The following SHISA6 variants were observed in gnomAD, a reference collection of about 807,000 sequenced individuals.
SHISA6 encodes the protein shisa family member 6, also known as protein shisa-6.
In SHISA6, 22 loss-of-function variants were observed where a neutral mutation model predicts 47.9. The ratio of observed to expected loss-of-function variants is 0.46; its 90% CI spans 0.33 to 0.66. The LOEUF is 0.66. Ranked by LOEUF, SHISA6 falls within the 30% of genes least tolerant of loss-of-function variation. The pLI is 0.02. For missense variants in SHISA6, 680 were observed against 764.6 expected (o/e 0.89, Z 1.30); for synonymous variants, 388 against 337.8 (o/e 1.15, Z -1.63).
intron 3 of SHISA6, among the ~76,000 whole-genome samples, chr17:11,550,454 G>T (rs1006339985): frequency 1.3e-5 from 2 of 152,158 alleles, no homozygotes; most frequent in African/African-American, 4.8e-5. Flanking sequence ...CACAGGATTT[G>T]TCTTGGAAAT....
At chr17:11,302,465 T>G (rs73976935) in intron 2 of SHISA6, among the ~76,000 whole-genome samples, 1 of 152,312 alleles carries the variant, frequency 6.6e-6, no homozygotes, top group African/African-American at 2.4e-5. Flanking sequence ...TCTCAGCTCA[T>G]TTTTTACGTG....
intron 3 of SHISA6, among the ~76,000 whole-genome samples, chr17:11,424,406 G>A (rs932516028): frequency 1.3e-5 from 2 of 151,968 alleles, no homozygotes; most frequent in African/African-American, 4.8e-5. Context: ...TATCATTCAT[G>A]AGATGACAAA....
intron 2 of SHISA6, among the ~76,000 whole-genome samples, chr17:11,339,854 G>A (rs956059692): frequency 6.6e-6 from 1 of 152,156 alleles, no homozygotes; most frequent in African/African-American, 2.4e-5. Context: ...GGCTTCTGAG[G>A]GTGAAGGAAG....
chr17:11,259,913 C>T (rs757224221), intron 1 of SHISA6, among the ~76,000 whole-genome samples: 28 of 152,088 alleles, frequency 1.8e-4, no homozygotes, highest in Non-Finnish European at 2.8e-4. Context: ...AATCCCTGTT[C>T]CAATATGTGT....
intron 3 of SHISA6, among the ~76,000 whole-genome samples, chr17:11,525,640 A>C (rs370735606): frequency 0.074 from 7,767 of 104,302 alleles, 359 homozygotes; most frequent in Middle Eastern, 0.11. Context: ...TCAAAAAAAA[A>C]AAAAAAAAAA....
At chr17:11,281,842 C>G (rs144151631) in intron 2 of SHISA6, among the ~76,000 whole-genome samples, 7 of 152,184 alleles carry the variant, frequency 4.6e-5, no homozygotes, top group African/African-American at 1.4e-4. Flanking sequence ...CAGGAACAAC[C>G]AAGCATGACT....
At chr17:11,410,913 G>A (rs577538735) in intron 3 of SHISA6, among the ~76,000 whole-genome samples, 140 of 152,230 alleles carry the variant, frequency 9.2e-4, no homozygotes, top group African/African-American at 3.2e-3. Flanking sequence ...CTGTTTCTTA[G>A]TATAGATGGA....
intron 3 of SHISA6, among the ~76,000 whole-genome samples, chr17:11,477,365 A>C (rs1597539215): frequency 6.6e-6 from 1 of 152,050 alleles, no homozygotes; most frequent in South Asian, 2.1e-4. Context: ...TTGTGGTTTT[A>C]ATTGAACATT....
intron 3 of SHISA6, among the ~76,000 whole-genome samples, chr17:11,523,184 CACGT>C (rs1386885346): frequency 1.3e-5 from 2 of 152,178 alleles, no homozygotes; most frequent in Non-Finnish European, 2.9e-5. Flanking sequence ...TATGTAAAGG[CACGT>C]TCTAGGGCTG....
intron 2 of SHISA6, among the ~76,000 whole-genome samples, chr17:11,292,044 CT>C (rs1244421661): frequency 1.3e-5 from 2 of 152,128 alleles, no homozygotes; most frequent in Admixed American, 6.6e-5. Flanking sequence ...TGAAAGTCTA[CT>C]GTCTTAGCAG....
intron 3 of SHISA6, among the ~76,000 whole-genome samples, chr17:11,507,814 T>C (rs1233934833): frequency 6.6e-6 from 1 of 152,234 alleles, no homozygotes; most frequent in Non-Finnish European, 1.5e-5. Flanking sequence ...TTCTAATCTT[T>C]AGCACTCCCT....
At position 11,407,105 on chromosome 17, in the gene SHISA6, A is replaced by G. The variant is rs563057310; in HGVS notation, c.895+27596A>G. ...ATAAATAATAATAGCTAGCACTTAT[A>G]GAGCGTTTTCTATGTGCCAGGCACT... On this transcript the variant is annotated intron_variant, in intron 3 of 5. Coordinates refer to ENST00000441885, the MANE Select transcript of SHISA6 (RefSeq NM_207386.4). Among the ~76,000 whole-genome samples, 310 of 152,312 alleles carry G rather than the reference A, an allele frequency of 2.0e-3. 3 individuals carry two copies. Among genetic ancestry groups the G allele is most frequent in the East Asian group, 1.2e-3 (6 of 5,186 alleles).
At position 11,241,256 on chromosome 17, in the gene SHISA6, G is replaced by GCGC. The variant is rs1172978824; in HGVS notation, c.-156_-154dup. 1 of 209,390 alleles carries GCGC rather than the reference G, an allele frequency of 4.8e-6. No homozygotes were observed. The allele number at this position is 209,390 out of a possible 1,614,324, so 13.0% of individuals were successfully genotyped here. ...CGCCGGGCCGGTCCGTGCGCACCGC[G>GCGC]CGCCGCCGCCGCCACTGCCGCCCGC... is the stretch of plus-strand genomic sequence containing the variant. On this transcript the variant is annotated 5_prime_UTR_variant, in exon 1 of 6. Coordinates refer to ENST00000441885, the MANE Select transcript of SHISA6 (RefSeq NM_207386.4). This position sits in a 1 kb window ranked among gnomAD's most constrained non-coding sequence, Gnocchi z 5.5.
chr17:11,249,822 G>T (rs375151658), intron 1 of SHISA6, among the ~76,000 whole-genome samples: 2 of 152,316 alleles, frequency 1.3e-5, no homozygotes, highest in East Asian at 3.9e-4. Context: ...AATCAAGAGT[G>T]CCTCCAGTAA....
At chr17:11,514,761 C>T (rs1248825944) in intron 3 of SHISA6, among the ~76,000 whole-genome samples, 1 of 152,310 alleles carries the variant, frequency 6.6e-6, no homozygotes, top group East Asian at 1.9e-4. Flanking sequence ...TCCCTTCCTT[C>T]GGGTGACCAA....
At chr17:11,302,133 A>G (rs1909949506) in intron 2 of SHISA6, among the ~76,000 whole-genome samples, 1 of 152,146 alleles carries the variant, frequency 6.6e-6, no homozygotes, top group Non-Finnish European at 1.5e-5. Context: ...CCCACAACAC[A>G]TGGGAATTCT....
chr17:11,493,574 T>TGC lies in SHISA6; in HGVS notation c.896-58315_896-58314dup, dbSNP rs1488593310. On this transcript the variant is annotated intron_variant, in intron 3 of 5. Transcript: ENST00000441885. The stretch of plus-strand genomic sequence containing the variant: ...TTTTGGTACCATGTGGATACACGCG[T>TGC]GCGCGCGCACACACACACACACATA... Among the ~76,000 whole-genome samples the TGC allele has an allele frequency of 1.0e-4, 4 of 38,322 alleles. No homozygotes were observed. In the East Asian group the frequency reaches 2.8e-3, roughly 27 times the overall value. The allele number at this position is 38,322 out of a possible 152,430, so 25.1% of individuals were successfully genotyped here. A position where few individuals can be genotyped will look rare whatever the true frequency, so the allele number is the denominator to read the frequency against.
At chr17:11,510,976 G>A (rs1003516028) in intron 3 of SHISA6, among the ~76,000 whole-genome samples, 2 of 152,138 alleles carry the variant, frequency 1.3e-5, no homozygotes, top group Non-Finnish European at 2.9e-5. Context: ...CTGCACTGTG[G>A]CTCAGTGTTC....
intron 2 of SHISA6, among the ~76,000 whole-genome samples, chr17:11,265,674 G>A (rs1908399928): frequency 6.6e-6 from 1 of 152,162 alleles, no homozygotes; most frequent in Non-Finnish European, 1.5e-5. Flanking sequence ...TGAAACTTCA[G>A]GTCACTCTGG....
Sources: allele counts gnomAD v4.1 joint callset (sites outside exome capture counted in the v4.1 genomes callset), GRCh38; gene constraint gnomAD v4.1.1; non-coding constraint Gnocchi (gnomAD v3.1); transcripts MANE v1.5; gene names NCBI Gene and HGNC (gene_info 2026-07-23, HGNC 2026-07-21).